EXOC4: variants seen among roughly 807,000 people sequenced by gnomAD.
The protein encoded by EXOC4 is exocyst complex component 4.
In EXOC4, 71 loss-of-function variants were observed where a neutral mutation model predicts 107.2. The observed-to-expected ratio is 0.66, with a 90% confidence interval of 0.55 to 0.81. The LOEUF (loss-of-function observed/expected upper bound fraction) is 0.81, where lower values mean the gene tolerates loss of function less well. EXOC4 is among the 30% of genes least tolerant of loss of function. The pLI, the probability that EXOC4 is intolerant of heterozygous loss-of-function variation, is 0.00. For synonymous variants in EXOC4, 456 were observed against 441.2 expected, an observed-to-expected ratio of 1.03 and a Z score of -0.42; for missense variants, 1,108 against 1,189.6, an observed-to-expected ratio of 0.93 and a Z score of 1.01.
intron 7 of EXOC4, among the ~76,000 whole-genome samples, chr7:133,458,067 A>G (rs560037600): frequency 6.6e-6 from 1 of 152,338 alleles, no homozygotes; most frequent in South Asian, 2.1e-4. Context: ...GTATACCTAA[A>G]GAAAAGTTAT....
chr7:133,739,133 A>G (rs1795507463), intron 10 of EXOC4, among the ~76,000 whole-genome samples: 1 of 151,976 alleles, frequency 6.6e-6, no homozygotes, highest in Non-Finnish European at 1.5e-5. Flanking sequence ...TACTTTTTCT[A>G]ATAGAACAAC....
intron 10 of EXOC4, among the ~76,000 whole-genome samples, chr7:133,779,467 T>G (rs557714071): frequency 6.0e-4 from 91 of 152,368 alleles, no homozygotes; most frequent in African/African-American, 2.1e-3. Context: ...TTACTTCAAG[T>G]AGGCCTTTGG....
chr7:133,717,134 G>T (rs930506420), intron 10 of EXOC4, among the ~76,000 whole-genome samples: 7 of 152,080 alleles, frequency 4.6e-5, no homozygotes, highest in Non-Finnish European at 8.8e-5. Flanking sequence ...AAGATGAACT[G>T]TAAAAACTTC....
At chr7:133,392,356 A>C (rs1796871501) in intron 7 of EXOC4, among the ~76,000 whole-genome samples, 1 of 152,160 alleles carries the variant, frequency 6.6e-6, no homozygotes, top group Non-Finnish European at 1.5e-5. Context: ...CATTGCCCTG[A>C]GGTTGACCTG....
chr7:133,833,729 A>AT (rs1410608449), intron 11 of EXOC4, among the ~76,000 whole-genome samples: 1 of 151,956 alleles, frequency 6.6e-6, no homozygotes, highest in Non-Finnish European at 1.5e-5. Context: ...CACCCACCTA[A>AT]TTTTTTTGTA....
chr7:133,846,613 A>G (rs557809224), intron 11 of EXOC4, among the ~76,000 whole-genome samples: 3 of 152,372 alleles, frequency 2.0e-5, no homozygotes, highest in African/African-American at 7.2e-5. Context: ...ATAATACGGT[A>G]TAATGCAGGG....
At chr7:133,625,934 C>T (rs931426539) in intron 9 of EXOC4, among the ~76,000 whole-genome samples, 15 of 152,152 alleles carry the variant, frequency 9.9e-5, no homozygotes, top group Admixed American at 2.0e-4. Context: ...TGGCCAGCGA[C>T]GGTGGCTCAC....
Position 133,730,805 on chromosome 7 carries a change from T to A in EXOC4, c.1515-86520T>A, listed in dbSNP as rs541252029. Among the ~76,000 whole-genome samples the A allele has an allele frequency of 2.0e-5, 3 of 152,290 alleles. No individual in the cohort carries two copies. The South Asian group carries it at 6.2e-4, about 32-fold the overall frequency. On this transcript the variant is annotated intron_variant, in intron 10 of 17. Transcript: ENST00000253861. ...TGCTATATTGGTTTTATTTTTCAAT[T>A]TTGTATGGATTAACTTGCAATAACA...
At chr7:133,629,984 G>T in intron 9 of EXOC4, 61 bp from the exon 10 acceptor site, 1 of 1,223,546 alleles carries the variant, frequency 8.2e-7, no homozygotes. Context: ...AGATATGCTT[G>T]GTTTGTTTAT....
intron 10 of EXOC4, among the ~76,000 whole-genome samples, chr7:133,661,696 A>AAAAAAC (rs1562896900): frequency 1.3e-5 from 2 of 149,464 alleles, no homozygotes; most frequent in African/African-American, 4.9e-5. Context: ...AAACAAAAAA[A>AAAAAAC]AAAAAAACAA....
intron 10 of EXOC4, among the ~76,000 whole-genome samples, chr7:133,765,488 G>T (rs1463471844): frequency 6.6e-6 from 1 of 151,998 alleles, no homozygotes; most frequent in East Asian, 1.9e-4. Context: ...TGTGTCTCCA[G>T]ATGTGCCCTG....
chr7:133,420,225 G>T (rs929426955), intron 7 of EXOC4, among the ~76,000 whole-genome samples: 2 of 145,816 alleles, frequency 1.4e-5, no homozygotes, highest in African/African-American at 5.1e-5. Flanking sequence ...GTGGTGTTTG[G>T]TTTTTTGTTC....
chr7:133,452,763 T>C (rs1798376675), intron 7 of EXOC4, among the ~76,000 whole-genome samples: 2 of 152,020 alleles, frequency 1.3e-5, no homozygotes, highest in African/African-American at 2.4e-5. Context: ...GCCAACAGAA[T>C]GTTACATATG....
intron 16 of EXOC4, among the ~76,000 whole-genome samples, chr7:134,006,984 G>A (rs1243585920): frequency 1.3e-5 from 2 of 152,052 alleles, no homozygotes; most frequent in East Asian, 3.9e-4. Flanking sequence ...ACTACTTGTG[G>A]GGGGGCCCCA....
intron 14 of EXOC4, among the ~76,000 whole-genome samples, chr7:133,941,868 A>T (rs1455926985): frequency 1.1e-5 from 1 of 90,462 alleles, no homozygotes; most frequent in African/African-American, 3.4e-5. Context: ...AAGTTTCTAC[A>T]TGTTTTCCTG....
At chr7:133,565,219 C>T (rs1800884365) in intron 9 of EXOC4, among the ~76,000 whole-genome samples, 1 of 152,128 alleles carries the variant, frequency 6.6e-6, no homozygotes, top group Admixed American at 6.5e-5. Context: ...TAGGGAAGAC[C>T]ATAGGCTTAG....
At chr7:133,266,014 A>G (rs1483316780) in intron 1 of EXOC4, among the ~76,000 whole-genome samples, 3 of 152,218 alleles carry the variant, frequency 2.0e-5, no homozygotes, top group Admixed American at 1.3e-4. Flanking sequence ...AAAGTTTGGT[A>G]TATTAGTCTG....
At chr7:133,261,320 G>A (rs1308069098) in intron 1 of EXOC4, among the ~76,000 whole-genome samples, 15 of 150,024 alleles carry the variant, frequency 1.0e-4, no homozygotes, top group South Asian at 4.2e-4. Flanking sequence ...AGGCTGGAGC[G>A]CAGTAGTGTG....
At chr7:133,431,933 C>T (rs1233408779) in intron 7 of EXOC4, among the ~76,000 whole-genome samples, 1 of 152,180 alleles carries the variant, frequency 6.6e-6, no homozygotes, top group African/African-American at 2.4e-5. Context: ...AGGGAGCAGA[C>T]TATTAAAATA....
Sources: gnomAD v4.1 joint callset for allele counts (sites outside exome capture counted in the v4.1 genomes callset) on GRCh38, gnomAD v4.1.1 for gene constraint, MANE v1.5 for transcripts, NCBI Gene and HGNC (gene_info 2026-07-23, HGNC 2026-07-21) for gene names.